Variants in ZDHHC14 observed in about 807,000 individuals in gnomAD.
ZDHHC14 encodes the protein zDHHC palmitoyltransferase 14.
Under a neutral mutation model 47.7 loss-of-function variants are expected in ZDHHC14, and 16 were observed. The ratio of observed to expected loss-of-function variants is 0.34; its 90% confidence interval spans 0.23 to 0.51. ZDHHC14 has a LOEUF of 0.51. Among genes scored for constraint, ZDHHC14 ranks in the 20% least tolerant of loss-of-function variants. ZDHHC14 has a pLI of 0.97. For synonymous variants in ZDHHC14, 293 were observed against 278.9 expected (o/e 1.05, Z -0.50); for missense variants, 515 against 662.5 (o/e 0.78, Z 2.44).
intron 1 of ZDHHC14, among the ~76,000 whole-genome samples, chr6:157,482,692 G>C (rs150432383): frequency 6.6e-6 from 1 of 151,884 alleles, no homozygotes; most frequent in East Asian, 1.9e-4. Context: ...ACATTTCGCT[G>C]TCTTCTCGAG....
chr6:157,528,676 G>A (rs1781253358), intron 1 of ZDHHC14, among the ~76,000 whole-genome samples: 1 of 152,048 alleles, frequency 6.6e-6, no homozygotes, highest in Non-Finnish European at 1.5e-5. Flanking sequence ...AGCTTGTAGT[G>A]AGCCGAGGTC....
intron 2 of ZDHHC14, among the ~76,000 whole-genome samples, chr6:157,577,539 T>TTTTG (rs1038332694): frequency 1.3e-5 from 2 of 152,136 alleles, no homozygotes; most frequent in South Asian, 2.1e-4. Flanking sequence ...GCCTCTGTTT[T>TTTTG]TTTGTTTGTT....
In ZDHHC14 at chr6:157,495,695, A is replaced by ATTTTTTTTTTTTTT. The variant is rs71027341; in HGVS notation, c.246-46876_246-46863dup. On this transcript the variant is annotated intron_variant, in intron 1 of 8. Transcript: ENST00000359775. Reference sequence around the variant, plus strand: ...GGAAATGTTGAGAAGTTCGGGTTGAATTTTTTTTTTTTTTTTTTTTTTTTT... The same window carrying ATTTTTTTTTTTTTT: ...GGAAATGTTGAGAAGTTCGGGTTGAATTTTTTTTTTTTTTTTTTTTTTTTTTTTTTTTTTTTTTT... Among the ~76,000 whole-genome samples the ATTTTTTTTTTTTTT allele has an allele frequency of 2.0e-4, 21 of 104,350 alleles. 1 individual carries two copies. Among genetic ancestry groups the ATTTTTTTTTTTTTT allele is most frequent in the African/African-American group, 5.4e-4 (15 of 27,734 alleles). The allele number at this position is 104,350 out of a possible 152,430, so 68.5% of individuals were successfully genotyped here.
intron 2 of ZDHHC14, chr6:157,592,739 T>TG: frequency 8.0e-7 from 1 of 1,245,554 alleles, no homozygotes; most frequent in Non-Finnish European, 1.0e-6. Flanking sequence ...CCTGGCTGGG[T>TG]GGGGCCATGT....
intron 8 of ZDHHC14, among the ~76,000 whole-genome samples, chr6:157,666,291 TTAACC>T (rs1401583083): frequency 2.6e-5 from 4 of 152,238 alleles, no homozygotes; most frequent in African/African-American, 9.6e-5. Context: ...CTGTATTTAC[TTAACC>T]TAACATTTTA....
At chr6:157,391,374 G>A (rs549684463) in intron 1 of ZDHHC14, among the ~76,000 whole-genome samples, 1 of 152,244 alleles carries the variant, frequency 6.6e-6, no homozygotes, top group Admixed American at 6.5e-5. Context: ...GTGAAGGCCT[G>A]GAGTACCTCA....
chr6:157,616,655 G>A (rs1784976026), intron 3 of ZDHHC14, among the ~76,000 whole-genome samples: 1 of 152,150 alleles, frequency 6.6e-6, no homozygotes, highest in Admixed American at 6.5e-5. Context: ...AGGGATTGTG[G>A]AATCTCAGAT....
At chr6:157,476,977 T>C (rs933777847) in intron 1 of ZDHHC14, among the ~76,000 whole-genome samples, 1 of 152,192 alleles carries the variant, frequency 6.6e-6, no homozygotes, top group African/African-American at 2.4e-5. Context: ...GCTTTTCCTC[T>C]AATATCAGGA....
chr6:157,391,557 G>T (rs1347854580), intron 1 of ZDHHC14, among the ~76,000 whole-genome samples: 6 of 152,286 alleles, frequency 3.9e-5, no homozygotes, highest in Middle Eastern at 3.4e-3. Flanking sequence ...TTGGCTGGTG[G>T]CTAGGCCTCC....
At chr6:157,549,421 C>T (rs1273484435) in intron 2 of ZDHHC14, among the ~76,000 whole-genome samples, 1 of 152,154 alleles carries the variant, frequency 6.6e-6, no homozygotes, top group Non-Finnish European at 1.5e-5. Flanking sequence ...CTAGATGTTC[C>T]GTGATGTTTG....
intron 2 of ZDHHC14, among the ~76,000 whole-genome samples, chr6:157,580,210 T>C (rs1481827210): frequency 6.6e-6 from 1 of 152,238 alleles, no homozygotes; most frequent in Non-Finnish European, 1.5e-5. Context: ...TACTGATCTA[T>C]GTATGTTGAA....
At chr6:157,562,969 A>C (rs570321767) in intron 2 of ZDHHC14, among the ~76,000 whole-genome samples, 83 of 151,848 alleles carry the variant, frequency 5.5e-4, no homozygotes, top group African/African-American at 2.0e-3. Flanking sequence ...TGCATTCCTG[A>C]CAAGAGGCTG....
At chr6:157,603,371 C>G (rs9456536) in intron 3 of ZDHHC14, among the ~76,000 whole-genome samples, 13,779 of 152,228 alleles carry the variant, frequency 0.091, 751 homozygotes, top group East Asian at 0.19. Flanking sequence ...TCATTTTAGA[C>G]CAATTCCCGT....
chr6:157,600,779 A>G (rs1340092282), intron 3 of ZDHHC14, among the ~76,000 whole-genome samples: 3 of 152,142 alleles, frequency 2.0e-5, no homozygotes, highest in Non-Finnish European at 4.4e-5. Flanking sequence ...TCTGGCCCCC[A>G]TGACTGCCCC....
chr6:157,661,336 G>GT (rs796188735), intron 8 of ZDHHC14, among the ~76,000 whole-genome samples: 4 of 152,330 alleles, frequency 2.6e-5, no homozygotes, highest in African/African-American at 9.6e-5. Context: ...TAAAAAACCT[G>GT]TAAGACTTAC....
rs570759185 is a variant in ZDHHC14 at position 157,528,975 on chromosome 6, A to C, written c.246-13610A>C. Among the ~76,000 whole-genome samples the C allele has an allele frequency of 5.9e-5, 9 of 152,290 alleles. No individual in the cohort carries two copies. In the East Asian group the frequency reaches 1.7e-3, roughly 29 times the overall value. ...AAGACTGGGGGTGGGAGTGGGCATT[A>C]ATTCCTCAACAGCACATGGTATTTT... On this transcript the variant is annotated intron_variant, in intron 1 of 8. Coordinates refer to ENST00000359775, the MANE Select transcript of ZDHHC14 (RefSeq NM_024630.3).
Position 157,381,926 on chromosome 6 carries a change from G to A in ZDHHC14, c.-96G>A. 1.0e-6 allele frequency: 1 copy of A among 965,336 alleles called. No individual in the cohort carries two copies. The highest frequency in any genetic ancestry group is 1.2e-6 in the Non-Finnish European group (1 of 815,490). 59.8% of individuals were successfully genotyped at this position (965,336 alleles called of 1,614,324 possible). ...AGGGGCCGCGGCGCCGCGGCTCGGG[G>A]GGCGGCCGGGCGGCCGGCGGCGGTC... On this transcript the variant is annotated 5_prime_UTR_variant, in exon 1 of 9. Coordinates refer to ENST00000359775, the MANE Select transcript of ZDHHC14 (RefSeq NM_024630.3).
intron 1 of ZDHHC14, among the ~76,000 whole-genome samples, chr6:157,438,996 G>A (rs1442869381): frequency 1.3e-5 from 2 of 152,192 alleles, no homozygotes; most frequent in Non-Finnish European, 2.9e-5. Flanking sequence ...ACTGCTTAGA[G>A]AATCATATTG....
At chr6:157,465,755 G>A (rs904201738) in intron 1 of ZDHHC14, among the ~76,000 whole-genome samples, 1 of 152,166 alleles carries the variant, frequency 6.6e-6, no homozygotes, top group Non-Finnish European at 1.5e-5. Flanking sequence ...GTAGAGAGAG[G>A]TGGGGGCTGG....
Sources: allele counts gnomAD v4.1 joint callset (sites outside exome capture counted in the v4.1 genomes callset), GRCh38; gene constraint gnomAD v4.1.1; transcripts MANE v1.5; gene names NCBI Gene and HGNC (gene_info 2026-07-23, HGNC 2026-07-21).